The following MFHAS1 variants were observed in gnomAD, a reference collection of about 807,000 sequenced individuals.
MFHAS1 encodes multifunctional ROCO family signaling regulator 1.
Under a neutral mutation model 70.4 loss-of-function variants are expected in MFHAS1, and 50 were observed. That is an observed-to-expected ratio of 0.71 (90% CI 0.57 to 0.90). The LOEUF (loss-of-function observed/expected upper bound fraction) is 0.90, where lower values mean the gene tolerates loss of function less well. MFHAS1 is among the 40% of genes least tolerant of loss of function. MFHAS1 has a pLI of 0.00. For synonymous variants in MFHAS1, 952 were observed against 620.0 expected (o/e 1.54, Z -7.96); for missense variants, 1,795 against 1,347.6 (o/e 1.33, Z -5.20).
intron 1 of MFHAS1, among the ~76,000 whole-genome samples, chr8:8,798,679 C>A (rs1023190083): frequency 1.2e-4 from 18 of 152,204 alleles, no homozygotes; most frequent in African/African-American, 4.3e-4. Context: ...GAAATGTACA[C>A]CAACTGGGGA....
At chr8:8,873,728 G>A (rs73190101) in intron 1 of MFHAS1, among the ~76,000 whole-genome samples, 1 of 152,128 alleles carries the variant, frequency 6.6e-6, no homozygotes, top group Admixed American at 6.6e-5. Context: ...CACGCAGCGC[G>A]GGAAGATTTT....
At chr8:8,860,206 T>C (rs574507347) in intron 1 of MFHAS1, among the ~76,000 whole-genome samples, 6 of 152,132 alleles carry the variant, frequency 3.9e-5, no homozygotes, top group Non-Finnish European at 8.8e-5. Context: ...GAACAAAAGA[T>C]GGAAACCCAT....
At chr8:8,810,314 C>G (rs1405051267) in intron 1 of MFHAS1, among the ~76,000 whole-genome samples, 1 of 152,168 alleles carries the variant, frequency 6.6e-6, no homozygotes, top group Non-Finnish European at 1.5e-5. Context: ...TGCAGTGAGC[C>G]TAGATCATGC....
intron 2 of MFHAS1, chr8:8,790,423 G>A: frequency 1.0e-6 from 1 of 974,644 alleles, no homozygotes; most frequent in Non-Finnish European, 1.2e-6. Flanking sequence ...TTCCAAGAAA[G>A]TATGAAGATA....
In MFHAS1 at chr8:8,890,149, AAGT is replaced by A; in HGVS notation, c.2907_2909del (p.Leu970del). On this transcript the variant is annotated inframe_deletion, in exon 1 of 3. Transcript: ENST00000276282. ...TGTAGTGCAGTCCAGGCCATTCCTG[AAGT>A]AGGACATTCAGTTCCTCCACCAAGG... The A allele has an allele frequency of 6.2e-7, 1 of 1,614,208 alleles. No individual in the cohort carries two copies. Among genetic ancestry groups the A allele is most frequent in the Non-Finnish European group, 8.5e-7 (1 of 1,180,040 alleles).
chr8:8,891,299 C>A lies in MFHAS1; in HGVS notation c.1760G>T (p.Arg587Leu), dbSNP rs765020925. 3 of 1,611,386 alleles carry A rather than the reference C, an allele frequency of 1.9e-6. No homozygotes were observed. The highest frequency in any genetic ancestry group is 1.7e-6 in the Non-Finnish European group (2 of 1,180,026). ...GTAGGCTGCGTGGGGGCTGGCAGAG[C>A]GCAGCTCGAAGTCCCGGGCCAGTGC... ...DEALARDFEL[R>L]SASPHAAYYG... Residue 587 changes from arginine (R) to leucine (L), a missense_variant, in exon 1 of 3, where the codon CGC becomes CTC. By Grantham distance (102) the Arg-to-Leu change is moderately radical. Transcript: ENST00000276282. The surrounding 1 kb of genome is among the most constrained non-coding windows in gnomAD (Gnocchi z 5.4).
intron 1 of MFHAS1, among the ~76,000 whole-genome samples, chr8:8,873,732 A>G (rs115139572): frequency 1.6e-3 from 248 of 152,350 alleles, no homozygotes; most frequent in African/African-American, 5.8e-3. Flanking sequence ...CAGCGCGGGA[A>G]GATTTTTGTT....
At chr8:8,858,925 A>G (rs1563207403) in intron 1 of MFHAS1, among the ~76,000 whole-genome samples, 1 of 152,228 alleles carries the variant, frequency 6.6e-6, no homozygotes, top group Non-Finnish European at 1.5e-5. Context: ...CAAGCCAGAT[A>G]TCTGTTTTAT....
Position 8,797,466 on chromosome 8 carries a change from C to G in MFHAS1, c.3024G>C (p.Pro1008=). Reference sequence around the variant, plus strand: ...GGCAAATGATCTCTGCCACTCCTTCCGGTCTGGGCTGACTCAGCAACTCCC... The same window carrying G: ...GGCAAATGATCTCTGCCACTCCTTCGGGTCTGGGCTGACTCAGCAACTCCC... The part of the protein sequence containing the change: ...FPGELLSQPR[P]EGVAEIICPK... The change falls in exon 2 of 3, where the codon CCG becomes CCC. Residue 1008 remains proline (P), a synonymous_variant. Transcript: ENST00000276282. 1 of 1,614,026 alleles carries G rather than the reference C, an allele frequency of 6.2e-7. No homozygotes were observed.
Position 8,892,733 on chromosome 8 carries a change from A to T in MFHAS1, c.326T>A (p.Leu109His). 8.0e-7 allele frequency: 1 copy of T among 1,254,866 alleles called. No individual in the cohort carries two copies. The highest frequency in any genetic ancestry group is 1.1e-6 in the Non-Finnish European group (1 of 910,582). The allele number at this position is 1,254,866 out of a possible 1,614,324, so 77.7% of individuals were successfully genotyped here. The change falls in exon 1 of 3, where the codon CTC (leucine) becomes CAC (histidine). Residue 109 changes from leucine to histidine, a missense_variant. Coordinates refer to ENST00000276282, the MANE Select transcript of MFHAS1 (RefSeq NM_004225.3). This position sits in a 1 kb window ranked among gnomAD's most constrained non-coding sequence, Gnocchi z 4.7. ...GTCCAGCTCGGTGAGGTGGTGGCCG[A>T]GCTCGGCCACCGCCGGGGGCAGCCG... is the stretch of plus-strand genomic sequence containing the variant. The part of the protein sequence containing the change: ...FARLPPAVAE[L>H]GHHLTELDVS...
intron 1 of MFHAS1, among the ~76,000 whole-genome samples, chr8:8,861,813 G>A (rs897743075): frequency 1.3e-5 from 2 of 152,114 alleles, no homozygotes; most frequent in African/African-American, 4.8e-5. Flanking sequence ...CATATAAATG[G>A]AGTCATACAA....
chr8:8,856,283 T>C (rs1808435558), intron 1 of MFHAS1, among the ~76,000 whole-genome samples: 2 of 152,184 alleles, frequency 1.3e-5, no homozygotes, highest in Admixed American at 1.3e-4. Flanking sequence ...GAGAGATCTG[T>C]CCCGAGCTCA....
intron 1 of MFHAS1, among the ~76,000 whole-genome samples, chr8:8,810,109 G>C (rs1051295483): frequency 1.3e-5 from 2 of 152,240 alleles, no homozygotes; most frequent in African/African-American, 4.8e-5. Flanking sequence ...GCTCGCGCCT[G>C]TAATCCCATC....
At chr8:8,842,289 G>A (rs866545893) in intron 1 of MFHAS1, among the ~76,000 whole-genome samples, 4 of 152,032 alleles carry the variant, frequency 2.6e-5, no homozygotes, top group South Asian at 2.1e-4. Context: ...AGGTTCAAGC[G>A]ATTCTCCTGC....
chr8:8,807,071 T>C (rs1806317053), intron 1 of MFHAS1, among the ~76,000 whole-genome samples: 1 of 152,106 alleles, frequency 6.6e-6, no homozygotes, highest in South Asian at 2.1e-4. Context: ...ATATGGCACC[T>C]GAGCACGCTG....
intron 1 of MFHAS1, among the ~76,000 whole-genome samples, chr8:8,873,216 T>C (rs1166457913): frequency 2.0e-5 from 3 of 152,224 alleles, no homozygotes; most frequent in Non-Finnish European, 2.9e-5. Context: ...AGCTATGCCA[T>C]GAGTCAAGAG....
intron 1 of MFHAS1, among the ~76,000 whole-genome samples, chr8:8,811,967 T>G (rs1348026182): frequency 6.6e-6 from 1 of 152,166 alleles, no homozygotes; most frequent in Non-Finnish European, 1.5e-5. Context: ...CTTCTCCGCA[T>G]GCCATCCAAG....
chr8:8,814,291 G>T (rs750758436), intron 1 of MFHAS1, among the ~76,000 whole-genome samples: 3 of 152,106 alleles, frequency 2.0e-5, no homozygotes, highest in Non-Finnish European at 4.4e-5. Flanking sequence ...AAGGTTAGAT[G>T]CACAAATACT....
In MFHAS1 at chr8:8,843,132, G is replaced by A. The variant is rs12541841; in HGVS notation, c.2999-45641C>T. On this transcript the variant is annotated intron_variant, in intron 1 of 2. Coordinates refer to ENST00000276282, the MANE Select transcript of MFHAS1 (RefSeq NM_004225.3). ...TACAAAAAAAAAATTAGCCGGGCGC[G>A]GTGGCGGGCGCCTGTAGTCCCAGCT... Among the ~76,000 whole-genome samples, 145 of 152,090 alleles carry A rather than the reference G, an allele frequency of 9.5e-4. 2 individuals carry two copies. The South Asian group carries it at 0.024, about 26-fold the overall frequency.
Sources: allele counts gnomAD v4.1 joint callset (sites outside exome capture counted in the v4.1 genomes callset), GRCh38; gene constraint gnomAD v4.1.1; non-coding constraint Gnocchi (gnomAD v3.1); transcripts MANE v1.5; gene names NCBI Gene and HGNC (gene_info 2026-07-23, HGNC 2026-07-21).